WWOX: variants seen among roughly 807,000 people sequenced by gnomAD.
The protein encoded by WWOX is WW domain-containing oxidoreductase.
WWOX carries 69 observed loss-of-function variants against 46.2 expected under a neutral mutation model. The observed-to-expected ratio is 1.49, with a 90% CI of 1.23 to 1.82. The LOEUF is 1.82. Among genes scored for constraint, WWOX ranks in the 40% most tolerant of loss-of-function variants. WWOX has a pLI of 0.00. For missense variants in WWOX, 919 were observed against 542.6 expected (o/e 1.69, Z -6.89); for synonymous variants, 359 against 202.6 (o/e 1.77, Z -6.56).
Position 79,171,300 on chromosome 16 carries a change from A to C in WWOX, c.1057-40308A>C, listed in dbSNP as rs111283043. 4.7e-3 allele frequency among the ~76,000 whole-genome samples: 710 copies of C among 152,332 alleles called. 1 individual carries two copies. Among genetic ancestry groups the C allele is most frequent in the Middle Eastern group, 0.014 (4 of 294 alleles). On this transcript the variant is annotated intron_variant, in intron 8 of 8. Transcript: ENST00000566780. ...TGATAATGGCTTTCAATTATAGGAC[A>C]TATCTAATAACATGATTACATACTC...
At chr16:78,680,397 G>A (rs1024592108) in intron 8 of WWOX, among the ~76,000 whole-genome samples, 1 of 152,144 alleles carries the variant, frequency 6.6e-6, no homozygotes, top group Admixed American at 6.5e-5. Flanking sequence ...AGCTGGGCAT[G>A]GTGTCACGTG....
At chr16:78,251,165 T>A (rs574567904) in intron 5 of WWOX, among the ~76,000 whole-genome samples, 1 of 152,338 alleles carries the variant, frequency 6.6e-6, no homozygotes, top group South Asian at 2.1e-4. Flanking sequence ...TAGTTCTGGC[T>A]CTTCCCATCT....
At chr16:78,787,732 G>A (rs1396752403) in intron 8 of WWOX, among the ~76,000 whole-genome samples, 6 of 152,164 alleles carry the variant, frequency 3.9e-5, no homozygotes, top group Non-Finnish European at 7.4e-5. Flanking sequence ...AACTTTCAGA[G>A]GAGCCACCAA....
chr16:78,640,226 GTTTTTTTTTT>G (rs34129775), intron 8 of WWOX, among the ~76,000 whole-genome samples: 1 of 65,346 alleles, frequency 1.5e-5, no homozygotes, highest in Non-Finnish European at 2.7e-5. Context: ...TTGTTGTTGG[GTTTTTTTTTT>G]TTTTTTTTTT....
In WWOX at chr16:79,067,455, C is replaced by T. The variant is rs182453940; in HGVS notation, c.1057-144153C>T. Among the ~76,000 whole-genome samples, 421 of 152,222 alleles carry T rather than the reference C, an allele frequency of 2.8e-3. 3 individuals are homozygous for T. The highest frequency in any genetic ancestry group is 1.0e-2 in the African/African-American group (414 of 41,538). On this transcript the variant is annotated intron_variant, in intron 8 of 8. Transcript: ENST00000566780. Reference sequence around the variant, plus strand: ...AAAACTCCACGTTTGGGCTTCCCTCCACCTGAGATGCTCTTCTCGGCTCCT... The same window carrying T: ...AAAACTCCACGTTTGGGCTTCCCTCTACCTGAGATGCTCTTCTCGGCTCCT...
At chr16:78,404,703 G>A (rs947353037) in intron 6 of WWOX, among the ~76,000 whole-genome samples, 1 of 152,162 alleles carries the variant, frequency 6.6e-6, no homozygotes, top group African/African-American at 2.4e-5. Flanking sequence ...AGGGCACTAT[G>A]TTGAAGTGAG....
chr16:78,468,290 A>G (rs1206953076), intron 8 of WWOX, among the ~76,000 whole-genome samples: 1 of 140,062 alleles, frequency 7.1e-6, no homozygotes, highest in Non-Finnish European at 1.5e-5. Context: ...TTTAAACTTC[A>G]TGGTGAGCAG....
intron 8 of WWOX, among the ~76,000 whole-genome samples, chr16:78,580,847 C>A (rs981676933): frequency 2.0e-5 from 3 of 152,232 alleles, no homozygotes; most frequent in Non-Finnish European, 2.9e-5. Flanking sequence ...ATGCCTCTTT[C>A]ACCTCAGACA....
chr16:79,104,668 G>A (rs1301273340), intron 8 of WWOX, among the ~76,000 whole-genome samples: 1 of 152,136 alleles, frequency 6.6e-6, no homozygotes, highest in Admixed American at 6.5e-5. Context: ...TAAAAATGCA[G>A]GTCATGATGT....
At chr16:78,590,319 T>C (rs1317762289) in intron 8 of WWOX, among the ~76,000 whole-genome samples, 1 of 152,166 alleles carries the variant, frequency 6.6e-6, no homozygotes, top group Non-Finnish European at 1.5e-5. Flanking sequence ...TGTGTCCTTA[T>C]TTGGTGGAAG....
At chr16:78,871,361 C>T (rs2044125240) in intron 8 of WWOX, among the ~76,000 whole-genome samples, 1 of 152,118 alleles carries the variant, frequency 6.6e-6, no homozygotes, top group Admixed American at 6.5e-5. Flanking sequence ...AGCCTCGATG[C>T]CTGGATTAAA....
chr16:78,132,767 C>G (rs982753368), intron 4 of WWOX, among the ~76,000 whole-genome samples: 6 of 152,140 alleles, frequency 3.9e-5, no homozygotes, highest in Admixed American at 1.3e-4. Context: ...CTGGGCTCTT[C>G]GATTCTCACG....
intron 8 of WWOX, among the ~76,000 whole-genome samples, chr16:78,543,389 A>T (rs371315902): frequency 1.3e-5 from 2 of 152,218 alleles, no homozygotes; most frequent in African/African-American, 2.4e-5. Flanking sequence ...TTTTACTACA[A>T]TGATGCCCTT....
intron 8 of WWOX, among the ~76,000 whole-genome samples, chr16:78,547,150 A>AAAC (rs2044058216): frequency 6.9e-6 from 1 of 145,604 alleles, no homozygotes; most frequent in Non-Finnish European, 1.5e-5. Context: ...AAAAAAAAAA[A>AAAC]AAAAAAAAAC....
chr16:78,740,147 G>C (rs959266938), intron 8 of WWOX, among the ~76,000 whole-genome samples: 1 of 152,032 alleles, frequency 6.6e-6, no homozygotes. Flanking sequence ...GAAAATAATT[G>C]CATCTCCTGA....
At chr16:79,052,091 A>G (rs1346511515) in intron 8 of WWOX, among the ~76,000 whole-genome samples, 3 of 150,278 alleles carry the variant, frequency 2.0e-5, no homozygotes, top group Non-Finnish European at 2.9e-5. Context: ...CACGTTGTGC[A>G]GGTTAGTTAC....
intron 8 of WWOX, among the ~76,000 whole-genome samples, chr16:78,758,479 A>T (rs1039478639): frequency 1.4e-4 from 21 of 152,338 alleles, no homozygotes; most frequent in African/African-American, 4.3e-4. Flanking sequence ...ATTACCACAG[A>T]TTGGAAGCAG....
At chr16:78,445,439 A>G (rs2083537821) in intron 8 of WWOX, among the ~76,000 whole-genome samples, 1 of 152,216 alleles carries the variant, frequency 6.6e-6, no homozygotes, top group African/African-American at 2.4e-5. Context: ...AGAATGCTGT[A>G]CAAGGTCCCT....
At chr16:78,615,061 G>C (rs374777976) in intron 8 of WWOX, among the ~76,000 whole-genome samples, 2 of 152,048 alleles carry the variant, frequency 1.3e-5, no homozygotes, top group Non-Finnish European at 2.9e-5. Flanking sequence ...AGAAATAGGG[G>C]GTGTTCCTGA....
Sources: allele counts gnomAD v4.1 joint callset (sites outside exome capture counted in the v4.1 genomes callset), GRCh38; gene constraint gnomAD v4.1.1; transcripts MANE v1.5; gene names NCBI Gene and HGNC (gene_info 2026-07-23, HGNC 2026-07-21).